Variants in DDHD1 observed in about 807,000 individuals in gnomAD.
DDHD1 encodes phospholipase DDHD1.
DDHD1 carries 49 observed loss-of-function variants against 96.4 expected under a neutral mutation model. The observed-to-expected ratio is 0.51, with a 90% CI of 0.40 to 0.64. DDHD1 has a LOEUF of 0.64. Ranked by LOEUF, DDHD1 falls within the 30% of genes least tolerant of loss-of-function variation. DDHD1 has a pLI of 0.00. For synonymous variants in DDHD1, 442 were observed against 446.5 expected (o/e 0.99, Z 0.13); for missense variants, 1,106 against 1,161.2 (o/e 0.95, Z 0.69).
At chr14:53,118,245 G>A (rs1280370145) in intron 1 of DDHD1, among the ~76,000 whole-genome samples, 1 of 152,186 alleles carries the variant, frequency 6.6e-6, no homozygotes, top group Non-Finnish European at 1.5e-5. Flanking sequence ...AAAAAACAGA[G>A]CGCCTCTTCT....
rs1881396461 is a variant in DDHD1 at position 53,038,178 on chromosome 14, C to T, written c.*8590G>A. The T allele has an allele frequency of 6.6e-6, 1 of 152,090 alleles. No individual in the cohort carries two copies. Among genetic ancestry groups the T allele is most frequent in the South Asian group, 2.1e-4 (1 of 4,808 alleles). The allele number at this position is 152,090 out of a possible 1,614,324, so 9.4% of individuals were successfully genotyped here. On this transcript the variant is annotated 3_prime_UTR_variant, in exon 13 of 13. Transcript: ENST00000673822. Reference sequence around the variant, plus strand: ...CTCATCGCTCCCATTCAACTTAGAGCAATCAGGCAAGAGAAATAAATAAAA... The same window carrying T: ...CTCATCGCTCCCATTCAACTTAGAGTAATCAGGCAAGAGAAATAAATAAAA...
intron 1 of DDHD1, among the ~76,000 whole-genome samples, chr14:53,120,299 C>T (rs1223946535): frequency 7.9e-5 from 12 of 151,882 alleles, no homozygotes; most frequent in Admixed American, 3.3e-4. Context: ...AAAATAAAAA[C>T]GACACAAATA....
intron 1 of DDHD1, among the ~76,000 whole-genome samples, chr14:53,126,505 T>C (rs953299168): frequency 6.6e-6 from 1 of 152,206 alleles, no homozygotes; most frequent in African/African-American, 2.4e-5. Flanking sequence ...TAGCTGGGAC[T>C]ACAGGCATGC....
intron 4 of DDHD1, among the ~76,000 whole-genome samples, chr14:53,080,412 G>C (rs970582821): frequency 2.0e-5 from 3 of 151,992 alleles, no homozygotes; most frequent in African/African-American, 7.2e-5. Context: ...TCCTTTTCTG[G>C]GAACTACTTG....
intron 1 of DDHD1, among the ~76,000 whole-genome samples, chr14:53,132,158 C>T (rs1054477206): frequency 3.3e-5 from 5 of 152,164 alleles, no homozygotes; most frequent in African/African-American, 1.2e-4. Context: ...TCCCCACTAG[C>T]TCTCCCTAAC....
intron 1 of DDHD1, among the ~76,000 whole-genome samples, chr14:53,124,133 G>A (rs941235430): frequency 6.6e-6 from 1 of 151,910 alleles, no homozygotes; most frequent in Admixed American, 6.6e-5. Flanking sequence ...TACTCAGGAG[G>A]CTGAGGCAGG....
At chr14:53,128,471 A>G (rs1889622063) in intron 1 of DDHD1, among the ~76,000 whole-genome samples, 1 of 152,168 alleles carries the variant, frequency 6.6e-6, no homozygotes, top group Non-Finnish European at 1.5e-5. Flanking sequence ...GTGGGGAAGG[A>G]GCAGGGTGTT....
chr14:53,060,038 T>C (rs1279819117), intron 8 of DDHD1, among the ~76,000 whole-genome samples: 5 of 152,086 alleles, frequency 3.3e-5, no homozygotes, highest in African/African-American at 1.2e-4. Flanking sequence ...TTGTAAGTAA[T>C]GGAGATAGAT....
chr14:53,058,706 T>A (rs996294552), intron 8 of DDHD1, 80 bp from the exon 9 acceptor site: 3 of 1,269,938 alleles, frequency 2.4e-6, no homozygotes, highest in Non-Finnish European at 3.3e-6. Context: ...ACGTAATATA[T>A]GGCAAAATAC....
intron 2 of DDHD1, among the ~76,000 whole-genome samples, chr14:53,094,369 T>G (rs1014330995): frequency 2.6e-5 from 4 of 152,126 alleles, no homozygotes; most frequent in Admixed American, 6.5e-5. Flanking sequence ...ATTTTAGTAA[T>G]ACAAAATTAA....
At chr14:53,121,004 C>G (rs568131108) in intron 1 of DDHD1, among the ~76,000 whole-genome samples, 6 of 152,102 alleles carry the variant, frequency 3.9e-5, no homozygotes, top group African/African-American at 1.4e-4. Context: ...AGTGAACAGG[C>G]AACCTACAGA....
chr14:53,140,706 T>C (rs1890588622), intron 1 of DDHD1, among the ~76,000 whole-genome samples: 1 of 151,924 alleles, frequency 6.6e-6, no homozygotes, highest in Non-Finnish European at 1.5e-5. Flanking sequence ...AAATAGAAAA[T>C]TAGTAGCAGG....
Position 53,152,967 on chromosome 14 carries a change from C to G in DDHD1, c.132G>C (p.Leu44=). Residue 44 remains leucine, a synonymous_variant, in exon 1 of 13, where the codon CTG becomes CTC. Transcript: ENST00000673822. The part of the protein sequence containing the change: ...FGGGVCCFEH[L]PGGDPDDGDV... ...CGCCGTCGTCCGGGTCCCCGCCGGG[C>G]AGGTGCTCGAAGCAGCAGACGCCGC... is the stretch of plus-strand genomic sequence containing the variant. The G allele has an allele frequency of 2.5e-6, 4 of 1,583,146 alleles. No homozygotes were observed. The highest frequency in any genetic ancestry group is 3.4e-6 in the Non-Finnish European group (4 of 1,167,262).
At chr14:53,075,781 C>T (rs1884905755) in intron 4 of DDHD1, among the ~76,000 whole-genome samples, 1 of 152,136 alleles carries the variant, frequency 6.6e-6, no homozygotes, top group South Asian at 2.1e-4. Flanking sequence ...CCAATGCTCA[C>T]TGACCATCCC....
At chr14:53,147,337 G>A (rs1221188417) in intron 1 of DDHD1, among the ~76,000 whole-genome samples, 1 of 152,148 alleles carries the variant, frequency 6.6e-6, no homozygotes, top group Non-Finnish European at 1.5e-5. Context: ...TCTTTTATAA[G>A]AAAACAGTAA....
At chr14:53,123,855 AT>A (rs1305607676) in intron 1 of DDHD1, among the ~76,000 whole-genome samples, 1 of 152,176 alleles carries the variant, frequency 6.6e-6, no homozygotes, top group Non-Finnish European at 1.5e-5. Context: ...TGCTGATTAT[AT>A]TTTTTTACAT....
At chr14:53,149,357 T>C (rs1891197918) in intron 1 of DDHD1, among the ~76,000 whole-genome samples, 2 of 152,196 alleles carry the variant, frequency 1.3e-5, no homozygotes, top group Non-Finnish European at 2.9e-5. Flanking sequence ...CAAACACTTT[T>C]ATTACCACTA....
intron 9 of DDHD1, 72 bp from the exon 10 acceptor site, chr14:53,055,984 T>G: frequency 1.5e-6 from 2 of 1,298,444 alleles, no homozygotes; most frequent in African/African-American, 3.0e-5. Flanking sequence ...TAAACTGTTC[T>G]TACTCTACTG....
chr14:53,079,960 T>C lies in DDHD1; in HGVS notation c.1290-6113A>G, dbSNP rs576350376. Among the ~76,000 whole-genome samples the C allele has an allele frequency of 1.2e-4, 19 of 152,356 alleles. 1 individual carries two copies. The South Asian group carries it at 3.9e-3, about 32-fold the overall frequency. Reference sequence around the variant, plus strand: ...TGATAGATACTGCCACATACTCGTTTTCATTGCATTCCATCAGCTGTACAA... The same window carrying C: ...TGATAGATACTGCCACATACTCGTTCTCATTGCATTCCATCAGCTGTACAA... On this transcript the variant is annotated intron_variant, in intron 4 of 12. Transcript: ENST00000673822.
Sources: gnomAD v4.1 joint callset for allele counts (sites outside exome capture counted in the v4.1 genomes callset) on GRCh38, gnomAD v4.1.1 for gene constraint, MANE v1.5 for transcripts, NCBI Gene and HGNC (gene_info 2026-07-23, HGNC 2026-07-21) for gene names.